Variants in INPP4B observed in about 807,000 individuals in gnomAD.
The protein encoded by INPP4B is inositol polyphosphate 4-phosphatase type II.
Under a neutral mutation model 122.5 loss-of-function variants are expected in INPP4B, and 55 were observed. The observed-to-expected ratio is 0.45, with a 90% CI of 0.36 to 0.56. The LOEUF (loss-of-function observed/expected upper bound fraction) is 0.56, where lower values mean the gene tolerates loss of function less well. Ranked by LOEUF, INPP4B falls within the 20% of genes least tolerant of loss-of-function variation. The pLI, the probability that INPP4B is intolerant of heterozygous loss-of-function variation, is 0.00. For missense variants in INPP4B, 1,000 were observed against 1,097.7 expected (o/e 0.91, Z 1.26); for synonymous variants, 403 against 388.7 (o/e 1.04, Z -0.43).
intron 25 of INPP4B, among the ~76,000 whole-genome samples, chr4:142,043,109 T>C (rs905967401): frequency 1.3e-5 from 2 of 152,166 alleles, no homozygotes; most frequent in African/African-American, 4.8e-5. Context: ...CCCAAAAGGA[T>C]AGGGTCTCTC....
At chr4:142,305,409 A>G in intron 9 of INPP4B, 49 bp downstream of exon 9, 4 of 1,381,338 alleles carry the variant, frequency 2.9e-6, no homozygotes, top group Non-Finnish European at 4.1e-6. Context: ...ATCAATAAAT[A>G]TCACTTGTTA....
chr4:142,533,562 A>C (rs757677262), intron 2 of INPP4B, among the ~76,000 whole-genome samples: 2 of 152,154 alleles, frequency 1.3e-5, no homozygotes, highest in Non-Finnish European at 2.9e-5. Flanking sequence ...ATTTTTAAGG[A>C]GTAAATCTAT....
intron 2 of INPP4B, among the ~76,000 whole-genome samples, chr4:142,463,332 A>G (rs1310094783): frequency 6.6e-6 from 1 of 152,140 alleles, no homozygotes; most frequent in East Asian, 1.9e-4. Context: ...TGCTTATGTG[A>G]GTGACATCTA....
intron 22 of INPP4B, among the ~76,000 whole-genome samples, chr4:142,111,258 T>C (rs1031432393): frequency 4.6e-5 from 7 of 152,136 alleles, no homozygotes; most frequent in African/African-American, 1.4e-4. Flanking sequence ...CCAAAATTGT[T>C]GCCTGTGAAG....
At chr4:142,170,708 A>G (rs1360334719) in intron 16 of INPP4B, among the ~76,000 whole-genome samples, 1 of 151,766 alleles carries the variant, frequency 6.6e-6, no homozygotes, top group Non-Finnish European at 1.5e-5. Context: ...AATGCTAGCT[A>G]TTACTGTCAC....
chr4:142,647,561 G>A (rs770223246), intron 2 of INPP4B, among the ~76,000 whole-genome samples: 2 of 152,154 alleles, frequency 1.3e-5, no homozygotes, highest in South Asian at 2.1e-4. Context: ...AATAGACAGT[G>A]TCCCCAGAGG....
At chr4:142,369,439 G>T (rs1170408634) in intron 7 of INPP4B, among the ~76,000 whole-genome samples, 1 of 151,676 alleles carries the variant, frequency 6.6e-6, no homozygotes, top group East Asian at 1.9e-4. Flanking sequence ...TTAGCCAGGC[G>T]TGGTGGCATG....
At chr4:142,342,829 C>T (rs1779122584) in intron 7 of INPP4B, among the ~76,000 whole-genome samples, 1 of 152,066 alleles carries the variant, frequency 6.6e-6, no homozygotes, top group Non-Finnish European at 1.5e-5. Flanking sequence ...TTATTACTCT[C>T]ATTTTGATTT....
intron 15 of INPP4B, among the ~76,000 whole-genome samples, chr4:142,187,550 A>G (rs1309142961): frequency 6.6e-6 from 1 of 151,760 alleles, no homozygotes; most frequent in Non-Finnish European, 1.5e-5. Flanking sequence ...ATATATATAC[A>G]TTTGCATACC....
At chr4:142,278,362 G>A (rs1168975488) in intron 9 of INPP4B, among the ~76,000 whole-genome samples, 1 of 151,824 alleles carries the variant, frequency 6.6e-6, no homozygotes, top group African/African-American at 2.4e-5. Context: ...TAGACAGAGA[G>A]AGCTCCAGGA....
In INPP4B at chr4:142,689,807, C is replaced by A. The variant is rs567488982; in HGVS notation, c.-191+36032G>T. 2.6e-5 allele frequency among the ~76,000 whole-genome samples: 4 copies of A among 152,204 alleles called. No homozygotes were observed. In the South Asian group the frequency reaches 8.3e-4, roughly 32 times the overall value. ...GCAAATTCTGCCGTACATAAATATG[C>A]ATGTTTATGCGCAGCTAATTCTTTT... On this transcript the variant is annotated intron_variant, in intron 2 of 25. Transcript: ENST00000262992.
intron 23 of INPP4B, among the ~76,000 whole-genome samples, chr4:142,104,204 A>G (rs1228934466): frequency 6.6e-6 from 1 of 152,178 alleles, no homozygotes; most frequent in Non-Finnish European, 1.5e-5. Flanking sequence ...CTTAAAGGGA[A>G]GAGGAAGACA....
chr4:142,208,893 C>A lies in INPP4B; in HGVS notation c.967+3G>T. On this transcript the variant is annotated splice_donor_region_variant and intron_variant, in intron 13 of 25. Transcript: ENST00000262992. ...TGAGTAAGTAGAGAAATTGCTTCCA[C>A]ACCTGTTTCCTTGCTAAGTTCTGTC... The A allele has an allele frequency of 6.4e-7, 1 of 1,553,340 alleles. No homozygotes were observed. The highest frequency in any genetic ancestry group is 1.3e-5 in the South Asian group (1 of 77,494).
chr4:142,277,040 T>C (rs913770430), intron 9 of INPP4B, among the ~76,000 whole-genome samples: 1 of 151,960 alleles, frequency 6.6e-6, no homozygotes, highest in African/African-American at 2.4e-5. Context: ...AGTTAGGTGG[T>C]GTTGCATTGT....
chr4:142,536,114 G>C lies in INPP4B; in HGVS notation c.-190-73388C>G, dbSNP rs146880222. On this transcript the variant is annotated intron_variant, in intron 2 of 25. Coordinates refer to ENST00000262992, the MANE Select transcript of INPP4B (RefSeq NM_001101669.3). Reference sequence around the variant, plus strand: ...GAGGTCTCATCACTATATAATCATAGCACAATTGCCCAATTTTTAGGGGGT... The same window carrying C: ...GAGGTCTCATCACTATATAATCATACCACAATTGCCCAATTTTTAGGGGGT... Among the ~76,000 whole-genome samples the C allele has an allele frequency of 4.6e-3, 701 of 152,298 alleles. 6 individuals are homozygous for C. The highest frequency in any genetic ancestry group is 0.034 in the Middle Eastern group (10 of 294).
chr4:142,369,526 G>A (rs183463293), intron 7 of INPP4B, among the ~76,000 whole-genome samples: 2 of 150,938 alleles, frequency 1.3e-5, no homozygotes, highest in East Asian at 3.9e-4. Context: ...ACAGTGAGCT[G>A]TAATCATACC....
chr4:142,147,442 T>G (rs187481208), intron 17 of INPP4B, among the ~76,000 whole-genome samples: 2 of 152,240 alleles, frequency 1.3e-5, no homozygotes, highest in African/African-American at 4.8e-5. Flanking sequence ...AGCAGAACAT[T>G]CAAAGTTAGC....
chr4:142,110,447 A>C (rs1222937268), intron 22 of INPP4B, among the ~76,000 whole-genome samples: 1 of 152,184 alleles, frequency 6.6e-6, no homozygotes, highest in Non-Finnish European at 1.5e-5. Context: ...GGTCATATAC[A>C]ACATCTACAT....
chr4:142,187,549 C>A (rs1246388544), intron 15 of INPP4B, among the ~76,000 whole-genome samples: 1 of 151,362 alleles, frequency 6.6e-6, no homozygotes, highest in Non-Finnish European at 1.5e-5. Context: ...AATATATATA[C>A]ATTTGCATAC....
Sources: gnomAD v4.1 joint callset for allele counts (sites outside exome capture counted in the v4.1 genomes callset) on GRCh38, gnomAD v4.1.1 for gene constraint, MANE v1.5 for transcripts, NCBI Gene and HGNC (gene_info 2026-07-23, HGNC 2026-07-21) for gene names.